The following BMP5 variants were observed in gnomAD, a reference collection of about 807,000 sequenced individuals.
BMP5 encodes the protein bone morphogenetic protein 5.
A neutral mutation model predicts 46.6 loss-of-function variants in BMP5; 23 were observed. The observed-to-expected ratio is 0.49, with a 90% CI of 0.35 to 0.70. The LOEUF is 0.70. Among genes scored for constraint, BMP5 ranks in the 30% least tolerant of loss-of-function variants. The pLI, the probability that BMP5 is intolerant of heterozygous loss-of-function variation, is 0.00. For missense variants in BMP5, 545 were observed against 565.6 expected (o/e 0.96, Z 0.37); for synonymous variants, 204 against 191.9 (o/e 1.06, Z -0.52).
chr6:55,824,211 A>G (rs1251484399), intron 1 of BMP5, among the ~76,000 whole-genome samples: 1 of 151,968 alleles, frequency 6.6e-6, no homozygotes, highest in Non-Finnish European at 1.5e-5. Flanking sequence ...TCTGTATATT[A>G]CAGTATGCTA....
chr6:55,862,619 C>A (rs568748633), intron 1 of BMP5, among the ~76,000 whole-genome samples: 1 of 152,240 alleles, frequency 6.6e-6, no homozygotes, highest in South Asian at 2.1e-4. Context: ...GCTCTTGTAT[C>A]CTTATTTCCT....
chr6:55,769,383 A>G (rs1774993305), intron 4 of BMP5, among the ~76,000 whole-genome samples: 1 of 151,912 alleles, frequency 6.6e-6, no homozygotes, highest in South Asian at 2.1e-4. Context: ...TCCAGAAACC[A>G]CTTTTTTTGC....
At chr6:55,818,941 G>GATAT (rs1392253331) in intron 2 of BMP5, among the ~76,000 whole-genome samples, 3 of 150,634 alleles carry the variant, frequency 2.0e-5, no homozygotes, top group African/African-American at 7.4e-5. Flanking sequence ...TAGATAGATA[G>GATAT]ATAGACAGAC....
At chr6:55,779,300 T>C (rs1013988034) in intron 3 of BMP5, among the ~76,000 whole-genome samples, 2 of 152,064 alleles carry the variant, frequency 1.3e-5, no homozygotes, top group African/African-American at 4.8e-5. Context: ...GGTAATTGAC[T>C]GCTTAACCCA....
At chr6:55,836,720 C>T (rs1776803601) in intron 1 of BMP5, among the ~76,000 whole-genome samples, 1 of 151,944 alleles carries the variant, frequency 6.6e-6, no homozygotes, top group Admixed American at 6.6e-5. Flanking sequence ...AGCCTTTAGA[C>T]TGGTGCCAAC....
intron 6 of BMP5, among the ~76,000 whole-genome samples, chr6:55,757,320 G>A (rs1402272356): frequency 2.0e-5 from 3 of 151,808 alleles, no homozygotes; most frequent in Admixed American, 6.6e-5. Context: ...ATAAAAAGAG[G>A]CAAAGAATTT....
intron 1 of BMP5, among the ~76,000 whole-genome samples, chr6:55,845,198 A>G (rs1045115306): frequency 2.0e-5 from 3 of 152,198 alleles, no homozygotes; most frequent in South Asian, 2.1e-4. Flanking sequence ...GGACATTTAT[A>G]ATGAGATTTA....
At chr6:55,866,410 C>T (rs371603301) in intron 1 of BMP5, among the ~76,000 whole-genome samples, 90 of 152,270 alleles carry the variant, frequency 5.9e-4, no homozygotes, top group African/African-American at 2.0e-3. Context: ...TCCCTATCTA[C>T]CTCATTCTAA....
chr6:55,755,822 T>A, intron 6 of BMP5, 140 bp from the exon 7 acceptor site: 1 of 820,238 alleles, frequency 1.2e-6, no homozygotes, highest in Non-Finnish European at 2.0e-6. Flanking sequence ...ATTCCATGAC[T>A]GGGGTGGGGG....
intron 1 of BMP5, among the ~76,000 whole-genome samples, chr6:55,862,604 T>C (rs1777548104): frequency 1.3e-5 from 2 of 152,188 alleles, no homozygotes; most frequent in African/African-American, 4.8e-5. Context: ...TTTGAAAAAT[T>C]GAATGCTCTT....
chr6:55,818,943 T>TAGATAGATAGATAGATAGAC (rs1554183645), intron 2 of BMP5, among the ~76,000 whole-genome samples: 7 of 150,784 alleles, frequency 4.6e-5, no homozygotes, highest in African/African-American at 1.7e-4. Context: ...GATAGATAGA[T>TAGATAGATAGATAGATAGAC]AGACAGACAG....
intron 1 of BMP5, among the ~76,000 whole-genome samples, chr6:55,853,217 T>TAAAATAAA (rs1162951620): frequency 2.5e-4 from 29 of 115,870 alleles, no homozygotes; most frequent in Non-Finnish European, 3.0e-4. Flanking sequence ...TAAAATAAAA[T>TAAAATAAA]AAGATAAAAT....
Position 55,759,019 on chromosome 6 carries a change from T to C in BMP5, c.1201A>G (p.Ile401Val), listed in dbSNP as rs766037115. 3.7e-6 allele frequency: 6 copies of C among 1,605,566 alleles called. No homozygotes were observed. Among genetic ancestry groups the C allele is most frequent in the Non-Finnish European group, 5.1e-6 (6 of 1,173,034 alleles). Residue 401 changes from isoleucine (I) to valine (V), a missense_variant, in exon 6 of 7, where the codon ATA (isoleucine) becomes GTA (valine). By Grantham distance (29) the Ile-to-Val change is conservative. Transcript: ENST00000370830. The part of the protein sequence containing the change: ...NAHMNATNHA[I>V]VQTLVHLMFP... ...ACAAAGCTTACCAGAGTCTGAACTATAGCGTGGTTGGTGGCATTCATATGG... is the reference window on the plus strand; with the variant it reads ...ACAAAGCTTACCAGAGTCTGAACTACAGCGTGGTTGGTGGCATTCATATGG...
chr6:55,819,784 G>T lies in BMP5; in HGVS notation c.554C>A (p.Thr185Asn). ...RHYKEFRFDLTQIPHGEAVTA... is the reference protein window; with the variant it reads ...RHYKEFRFDLNQIPHGEAVTA... Reference sequence around the variant, plus strand: ...CACTGCCTCTCCATGAGGAATTTGGGTAAGATCAAATCGAAATTCTTTGTA... The same window carrying T: ...CACTGCCTCTCCATGAGGAATTTGGTTAAGATCAAATCGAAATTCTTTGTA... Residue 185 changes from threonine to asparagine, a missense_variant, in exon 2 of 7, where the codon ACC (threonine) becomes AAC (asparagine). Physicochemically the swap from Thr to Asn is moderately conservative, Grantham distance 65. Coordinates refer to ENST00000370830, the MANE Select transcript of BMP5 (RefSeq NM_021073.4). 6.2e-7 allele frequency: 1 copy of T among 1,613,714 alleles called. No individual in the cohort carries two copies. The highest frequency in any genetic ancestry group is 8.5e-7 in the Non-Finnish European group (1 of 1,179,814).
At chr6:55,865,080 T>A (rs1191609465) in intron 1 of BMP5, among the ~76,000 whole-genome samples, 1 of 152,150 alleles carries the variant, frequency 6.6e-6, no homozygotes, top group Non-Finnish European at 1.5e-5. Flanking sequence ...GCTCCAGGAT[T>A]GAAAGATTAT....
rs141260677 is a variant in BMP5 at position 55,856,750 on chromosome 6, A to G, written c.490+17626T>C. Among the ~76,000 whole-genome samples the G allele has an allele frequency of 2.6e-5, 4 of 152,206 alleles. No homozygotes were observed. In the East Asian group the frequency reaches 7.7e-4, roughly 29 times the overall value. On this transcript the variant is annotated intron_variant, in intron 1 of 6. Coordinates refer to ENST00000370830, the MANE Select transcript of BMP5 (RefSeq NM_021073.4). The stretch of plus-strand genomic sequence containing the variant: ...GATTTAACTGTTCCATGGAATCTCA[A>G]AAATCATGATTTCATACATATCAAT...
chr6:55,785,302 T>C (rs2127525640), intron 3 of BMP5, among the ~76,000 whole-genome samples: 1 of 151,984 alleles, frequency 6.6e-6, no homozygotes, highest in East Asian at 1.9e-4. Context: ...ACATGGAGTA[T>C]ATTTTATGAA....
At chr6:55,815,613 C>T (rs1776242205) in intron 2 of BMP5, among the ~76,000 whole-genome samples, 1 of 151,986 alleles carries the variant, frequency 6.6e-6, no homozygotes. Flanking sequence ...CAATACGTAG[C>T]TATAGTAGCA....
chr6:55,771,612 A>G (rs1316870784), intron 4 of BMP5, among the ~76,000 whole-genome samples: 1 of 151,944 alleles, frequency 6.6e-6, no homozygotes, highest in Non-Finnish European at 1.5e-5. Flanking sequence ...GAAGAAAAAA[A>G]GAACATCAGG....
Sources: gnomAD v4.1 joint callset for allele counts (sites outside exome capture counted in the v4.1 genomes callset) on GRCh38, gnomAD v4.1.1 for gene constraint, MANE v1.5 for transcripts, NCBI Gene and HGNC (gene_info 2026-07-23, HGNC 2026-07-21) for gene names.